GALP: variants seen among roughly 807,000 people sequenced by gnomAD.
GALP encodes the protein galanin like peptide, also known as galanin-like peptide.
Under a neutral mutation model 15.2 loss-of-function variants are expected in GALP, and 12 were observed. The ratio of observed to expected loss-of-function variants is 0.79; its 90% confidence interval spans 0.51 to 1.28. GALP has a LOEUF of 1.28. Ranked by LOEUF, GALP falls within the 50% of genes most tolerant of loss-of-function variation. GALP has a pLI of 0.00. For missense variants in GALP, 161 were observed against 145.6 expected, an observed-to-expected ratio of 1.11 and a Z score of -0.55; for synonymous variants, 58 against 55.1, an observed-to-expected ratio of 1.05 and a Z score of -0.23.
intron 2 of GALP, among the ~76,000 whole-genome samples, chr19:56,179,369 G>A (rs1399321934): frequency 6.7e-6 from 1 of 149,652 alleles, no homozygotes. Flanking sequence ...GTGCAGTGGC[G>A]CAATGTCAGC....
intron 4 of GALP, among the ~76,000 whole-genome samples, chr19:56,182,841 G>A (rs375520472): frequency 3.9e-5 from 6 of 152,206 alleles, no homozygotes; most frequent in Non-Finnish European, 4.4e-5. Flanking sequence ...GAGCCGTCGC[G>A]CCCGGCCTTA....
At chr19:56,182,984 A>T in intron 4 of GALP, 151 bp from the exon 5 acceptor site, 1 of 628,288 alleles carries the variant, frequency 1.6e-6, no homozygotes, top group Non-Finnish European at 2.9e-6. Flanking sequence ...CCCAGTGGTT[A>T]TTCTCTCTGC....
chr19:56,182,269 T>A lies in GALP; in HGVS notation c.217+17T>A. The A allele has an allele frequency of 6.3e-7, 1 of 1,587,884 alleles. No homozygotes were observed. Among genetic ancestry groups the A allele is most frequent in the Admixed American group, 1.7e-5 (1 of 59,910 alleles). On this transcript the variant is annotated intron_variant, in intron 4 of 5. Coordinates refer to ENST00000357330, the MANE Select transcript of GALP (RefSeq NM_033106.4). ...AGGCCATCGGTGAGTGAGCGGGGAGTTAGACGTCTTCTCCTGCGTCCTCCC... is the reference window on the plus strand; with the variant it reads ...AGGCCATCGGTGAGTGAGCGGGGAGATAGACGTCTTCTCCTGCGTCCTCCC...
intron 3 of GALP, among the ~76,000 whole-genome samples, chr19:56,181,148 G>A (rs746857889): frequency 2.6e-5 from 4 of 151,360 alleles, no homozygotes; most frequent in Non-Finnish European, 5.9e-5. Context: ...GTCTGGTCTC[G>A]AACTCCTGAC....
At chr19:56,177,526 A>AAAAAG (rs1555785863) in intron 2 of GALP, among the ~76,000 whole-genome samples, 6 of 146,528 alleles carry the variant, frequency 4.1e-5, no homozygotes, top group African/African-American at 2.5e-5. Flanking sequence ...AAAAAAAAAA[A>AAAAAG]AAGAAGAAAT....
intron 2 of GALP, among the ~76,000 whole-genome samples, chr19:56,179,624 T>A (rs1328056105): frequency 6.6e-6 from 1 of 150,444 alleles, no homozygotes; most frequent in Non-Finnish European, 1.5e-5. Context: ...CTAGGGTTGT[T>A]GGAGGAAGAG....
chr19:56,183,142 C>G lies in GALP; in HGVS notation c.225C>G (p.Leu75=), dbSNP rs761996012. Residue 75 remains leucine (L), a synonymous_variant, in exon 5 of 6, where the codon CTC becomes CTG. Transcript: ENST00000357330. The stretch of plus-strand genomic sequence containing the variant: ...TTGTATTTTTGTTTCTAGACGGGCT[C>G]CCCTACTCCCACCCTCCACAGCCCT... ...ILDLWKAIDG[L]PYSHPPQPSK... 2 of 1,612,290 alleles carry G rather than the reference C, an allele frequency of 1.2e-6. No individual in the cohort carries two copies. The highest frequency in any genetic ancestry group is 1.6e-4 in the Middle Eastern group (1 of 6,062).
intron 2 of GALP, among the ~76,000 whole-genome samples, chr19:56,180,346 C>T (rs941283352): frequency 1.3e-5 from 2 of 152,322 alleles, no homozygotes; most frequent in South Asian, 4.1e-4. Flanking sequence ...TTCTCCTTCC[C>T]CCCAGCCCCC....
At chr19:56,184,052 T>A (rs1449212254) in intron 5 of GALP, among the ~76,000 whole-genome samples, 2 of 151,798 alleles carry the variant, frequency 1.3e-5, no homozygotes, top group Non-Finnish European at 2.9e-5. Flanking sequence ...GCCTCCTGCA[T>A]TCAAGCGATT....
intron 2 of GALP, among the ~76,000 whole-genome samples, chr19:56,178,069 G>C (rs1398317062): frequency 6.6e-6 from 1 of 151,996 alleles, no homozygotes; most frequent in Non-Finnish European, 1.5e-5. Context: ...ACGTAATGTA[G>C]AGGGTAATTA....
chr19:56,178,911 A>C (rs887306770), intron 2 of GALP, among the ~76,000 whole-genome samples: 3 of 152,184 alleles, frequency 2.0e-5, no homozygotes, highest in Non-Finnish European at 4.4e-5. Flanking sequence ...ACGGTGGCTC[A>C]CGCCTGCAAT....
At chr19:56,183,256 G>A (rs772300764) in intron 5 of GALP, 44 bp downstream of exon 5, 1 of 1,485,166 alleles carries the variant, frequency 6.7e-7, no homozygotes, top group South Asian at 1.1e-5. Flanking sequence ...CAGGAGAGGG[G>A]GAACAAGGAA....
In GALP at chr19:56,180,635, G is replaced by GCCCC. The variant is rs751398042; in HGVS notation, c.136+1_136+2insCCCC. 1 of 1,613,362 alleles carries GCCCC rather than the reference G, an allele frequency of 6.2e-7. No homozygotes were observed. The highest frequency in any genetic ancestry group is 8.5e-7 in the Non-Finnish European group (1 of 1,179,394). On this transcript the variant is annotated splice_donor_variant, in intron 3 of 5. Transcript: ENST00000357330. LOFTEE classifies it high-confidence loss of function. Reference sequence around the variant, plus strand: ...AGTGCTGGCTACCTTCTGGGTCCCGGTGAGTGAGGCTGCGCTCAGCTCTCC... The same window carrying GCCCC: ...AGTGCTGGCTACCTTCTGGGTCCCGGCCCCTGAGTGAGGCTGCGCTCAGCTCTCC...
chr19:56,179,897 G>T (rs552826046), intron 2 of GALP, among the ~76,000 whole-genome samples: 2 of 152,076 alleles, frequency 1.3e-5, no homozygotes, highest in African/African-American at 4.8e-5. Flanking sequence ...CACCTCCCAG[G>T]TTCAAGCGGT....
chr19:56,179,443 G>T (rs953817529), intron 2 of GALP, among the ~76,000 whole-genome samples: 2 of 150,974 alleles, frequency 1.3e-5, no homozygotes, highest in Non-Finnish European at 1.5e-5. Flanking sequence ...GAGTAGCTGG[G>T]ACTACAGGCA....
At chr19:56,177,735 G>A (rs1418446562) in intron 2 of GALP, among the ~76,000 whole-genome samples, 1 of 152,106 alleles carries the variant, frequency 6.6e-6, no homozygotes, top group Non-Finnish European at 1.5e-5. Flanking sequence ...TGAAATCCGG[G>A]ATCTGCGACT....
chr19:56,180,893 TTCTTTCTTTC>T (rs1382346766), intron 3 of GALP, among the ~76,000 whole-genome samples: 54 of 79,818 alleles, frequency 6.8e-4, no homozygotes, highest in African/African-American at 2.7e-3. Flanking sequence ...CTCTCACTCT[TTCTTTCTTTC>T]TTTCTTTCTT....
chr19:56,180,566 A>G lies in GALP; in HGVS notation c.88-20A>G, dbSNP rs1464393908. On this transcript the variant is annotated intron_variant, in intron 2 of 5. Coordinates refer to ENST00000357330, the MANE Select transcript of GALP (RefSeq NM_033106.4). ...CCGCTTTCTGTCTGCTTGAGTCTTGATTTCTGCATCTCTATCCAGGGACGA... is the reference window on the plus strand; with the variant it reads ...CCGCTTTCTGTCTGCTTGAGTCTTGGTTTCTGCATCTCTATCCAGGGACGA... The G allele has an allele frequency of 1.2e-6, 2 of 1,612,298 alleles. No individual in the cohort carries two copies. Among genetic ancestry groups the G allele is most frequent in the Non-Finnish European group, 8.5e-7 (1 of 1,178,696 alleles).
chr19:56,183,016 T>A, intron 4 of GALP, 119 bp from the exon 5 acceptor site: 2 of 690,450 alleles, frequency 2.9e-6, no homozygotes, highest in East Asian at 2.8e-5. Context: ...CTCCCCCTGC[T>A]CCACCCTCGG....
Sources: allele counts gnomAD v4.1 joint callset (sites outside exome capture counted in the v4.1 genomes callset), GRCh38; gene constraint gnomAD v4.1.1; transcripts MANE v1.5; gene names NCBI Gene and HGNC (gene_info 2026-07-23, HGNC 2026-07-21).